The following MCCC2 variants were observed in gnomAD, a reference collection of about 807,000 sequenced individuals.
The protein encoded by MCCC2 is methylcrotonyl-CoA carboxylase subunit 2.
Under a neutral mutation model 77.2 loss-of-function variants are expected in MCCC2, and 52 were observed. The observed-to-expected ratio is 0.67, with a 90% CI of 0.54 to 0.85. The LOEUF is 0.85. MCCC2 is among the 40% of genes least tolerant of loss of function. The pLI is 0.00. For synonymous variants in MCCC2, 253 were observed against 248.4 expected, an observed-to-expected ratio of 1.02 and a Z score of -0.18; for missense variants, 682 against 703.2, an observed-to-expected ratio of 0.97 and a Z score of 0.34.
At chr5:71,629,560 A>G (rs891505658) in intron 7 of MCCC2, among the ~76,000 whole-genome samples, 7 of 152,220 alleles carry the variant, frequency 4.6e-5, no homozygotes, top group African/African-American at 1.4e-4. Flanking sequence ...TGGAATACTA[A>G]TACAAATTCA....
rs1001526108 is a variant in MCCC2 at position 71,653,093 on chromosome 5, T to A, written c.1574+339T>A. 3.9e-5 allele frequency among the ~76,000 whole-genome samples: 6 copies of A among 152,242 alleles called. No homozygotes were observed. In the South Asian group the frequency reaches 1.2e-3, roughly 31 times the overall value. ...GCCGAGAATAAGTTATAAGCTTGGC[T>A]GTGTTACTTCAGAAGTTCTAATTTT... On this transcript the variant is annotated intron_variant, in intron 16 of 16. Coordinates refer to ENST00000340941, the MANE Select transcript of MCCC2 (RefSeq NM_022132.5).
At chr5:71,652,922 A>G (rs1190059977) in intron 16 of MCCC2, among the ~76,000 whole-genome samples, 168 bp downstream of exon 16, 1 of 152,206 alleles carries the variant, frequency 6.6e-6, no homozygotes, top group African/African-American at 2.4e-5. Flanking sequence ...CTGAATGGCT[A>G]CTGCTGAAAT....
intron 10 of MCCC2, among the ~76,000 whole-genome samples, chr5:71,637,781 C>T (rs574008891): frequency 8.3e-4 from 126 of 152,154 alleles, no homozygotes; most frequent in African/African-American, 2.7e-3. Flanking sequence ...TGCAGTGGCG[C>T]GATCTCAGCT....
At chr5:71,651,323 G>GA (rs201105660) in intron 15 of MCCC2, among the ~76,000 whole-genome samples, 1,592 of 152,320 alleles carry the variant, frequency 0.01, 39 homozygotes, top group African/African-American at 0.036. Context: ...AAGAAAAATG[G>GA]AAAGGGCAGT....
chr5:71,621,782 A>G (rs1746356504), intron 6 of MCCC2, among the ~76,000 whole-genome samples: 1 of 152,116 alleles, frequency 6.6e-6, no homozygotes, highest in Non-Finnish European at 1.5e-5. Flanking sequence ...GAGGATGGTT[A>G]ATGGATACAA....
At position 71,632,189 on chromosome 5, in the gene MCCC2, A is replaced by G. The variant is rs372688233; in HGVS notation, c.803+4A>G. On this transcript the variant is annotated splice_donor_region_variant and intron_variant, in intron 8 of 16. Coordinates refer to ENST00000340941, the MANE Select transcript of MCCC2 (RefSeq NM_022132.5). Reference sequence around the variant, plus strand: ...GAGGTGCTGATCTTCATTGCAGGTGAAACAGAAATGGTTGTTTCTTTCCGG... The same window carrying G: ...GAGGTGCTGATCTTCATTGCAGGTGGAACAGAAATGGTTGTTTCTTTCCGG... 26 of 1,613,888 alleles carry G rather than the reference A, an allele frequency of 1.6e-5. No homozygotes were observed. In the African/African-American group the frequency reaches 2.5e-4, roughly 16 times the overall value.
chr5:71,600,711 A>T (rs1745393004), intron 4 of MCCC2, among the ~76,000 whole-genome samples: 1 of 152,180 alleles, frequency 6.6e-6, no homozygotes, highest in Non-Finnish European at 1.5e-5. Flanking sequence ...AAAAAAGAGG[A>T]TATATTGATT....
At chr5:71,655,836 C>T (rs1356999077) in intron 16 of MCCC2, among the ~76,000 whole-genome samples, 1 of 152,220 alleles carries the variant, frequency 6.6e-6, no homozygotes, top group East Asian at 1.9e-4. Flanking sequence ...AAAGTTTCTT[C>T]TGCAAGCAGT....
At chr5:71,625,847 AG>A (rs1311735749) in intron 6 of MCCC2, among the ~76,000 whole-genome samples, 2 of 152,230 alleles carry the variant, frequency 1.3e-5, no homozygotes, top group African/African-American at 4.8e-5. Flanking sequence ...CATGCCTATA[AG>A]GAAAACTGAT....
chr5:71,599,705 G>A lies in MCCC2; in HGVS notation c.328G>A (p.Asp110Asn), dbSNP rs145438308. 5.5e-5 allele frequency: 89 copies of A among 1,614,126 alleles called. No individual in the cohort carries two copies. The African/African-American group carries it at 1.2e-3, about 21-fold the overall frequency. The stretch of plus-strand genomic sequence containing the variant: ...CCAGTTTGCAGGTTACCAGTTATAT[G>A]ACAATGAGGAGGTGCCAGGAGGTGG... ...LSQFAGYQLY[D>N]NEEVPGGGII... Residue 110 changes from aspartate (D) to asparagine (N), a missense_variant, in exon 4 of 17, where the codon GAC becomes AAC. Transcript: ENST00000340941.
chr5:71,655,468 G>A (rs1747553157), intron 16 of MCCC2, among the ~76,000 whole-genome samples: 1 of 152,124 alleles, frequency 6.6e-6, no homozygotes, highest in Non-Finnish European at 1.5e-5. Flanking sequence ...CTTACCTGGG[G>A]CAGTCTTTTT....
chr5:71,634,680 T>C (rs962661118), intron 8 of MCCC2, among the ~76,000 whole-genome samples: 5 of 152,214 alleles, frequency 3.3e-5, no homozygotes, highest in African/African-American at 1.2e-4. Flanking sequence ...GGGGTTCTTA[T>C]GTAGCTACTT....
intron 10 of MCCC2, among the ~76,000 whole-genome samples, chr5:71,637,927 T>G (rs1298236744): frequency 6.6e-6 from 1 of 152,096 alleles, no homozygotes; most frequent in East Asian, 1.9e-4. Context: ...TTAGCCAGGA[T>G]AGTCTTGATC....
At chr5:71,598,400 G>C (rs1308856337) in intron 3 of MCCC2, among the ~76,000 whole-genome samples, 1 of 151,728 alleles carries the variant, frequency 6.6e-6, no homozygotes, top group African/African-American at 2.4e-5. Context: ...CTTTAGAAGA[G>C]AGCCTGGTAT....
At chr5:71,624,857 T>A (rs1298654175) in intron 6 of MCCC2, among the ~76,000 whole-genome samples, 1 of 151,674 alleles carries the variant, frequency 6.6e-6, no homozygotes, top group African/African-American at 2.4e-5. Flanking sequence ...CCACACCCAA[T>A]TAATTTTTGT....
chr5:71,647,066 G>A (rs151218503), intron 13 of MCCC2, among the ~76,000 whole-genome samples: 28 of 152,232 alleles, frequency 1.8e-4, no homozygotes, highest in African/African-American at 5.3e-4. Context: ...GGTCTGTTAC[G>A]GTTGAAGAGT....
At position 71,650,133 on chromosome 5, in the gene MCCC2, A is replaced by G. The variant is rs201060452; in HGVS notation, c.1438A>G (p.Asn480Asp). Reference sequence around the variant, plus strand: ...AGTGATGGGAGGAGAGCAGGCAGCCAATGTGTTGGCCACGATAACAAAGGA... The same window carrying G: ...AGTGATGGGAGGAGAGCAGGCAGCCGATGTGTTGGCCACGATAACAAAGGA... ...ISVMGGEQAA[N>D]VLATITKDQR... The change falls in exon 15 of 17, where the codon AAT becomes GAT. Residue 480 changes from asparagine to aspartate, a missense_variant. Physicochemically the swap from Asn to Asp is conservative, Grantham distance 23. Coordinates refer to ENST00000340941, the MANE Select transcript of MCCC2 (RefSeq NM_022132.5). 1.2e-6 allele frequency: 2 copies of G among 1,614,214 alleles called. No homozygotes were observed. Among genetic ancestry groups the G allele is most frequent in the Admixed American group, 3.3e-5 (2 of 60,016 alleles).
intron 10 of MCCC2, among the ~76,000 whole-genome samples, chr5:71,637,621 A>G (rs1430873524): frequency 6.6e-6 from 1 of 152,226 alleles, no homozygotes; most frequent in Non-Finnish European, 1.5e-5. Context: ...AATTTCTTAA[A>G]AGAAGACAAC....
In MCCC2 at chr5:71,602,647, G is replaced by C; in HGVS notation, c.511+14G>C. 6.2e-7 allele frequency: 1 copy of C among 1,614,142 alleles called. No homozygotes were observed. Among genetic ancestry groups the C allele is most frequent in the Non-Finnish European group, 8.5e-7 (1 of 1,180,010 alleles). On this transcript the variant is annotated intron_variant, in intron 5 of 16. Coordinates refer to ENST00000340941, the MANE Select transcript of MCCC2 (RefSeq NM_022132.5). ...GCATCTACTTAGGCAAGTCACCAGA[G>C]TGGTAAAATAAACTATTATTAGCTG...
Sources: allele counts gnomAD v4.1 joint callset (sites outside exome capture counted in the v4.1 genomes callset), GRCh38; gene constraint gnomAD v4.1.1; transcripts MANE v1.5; gene names NCBI Gene and HGNC (gene_info 2026-07-23, HGNC 2026-07-21).